TNN: variants seen among roughly 807,000 people sequenced by gnomAD.
TNN encodes tenascin N.
TNN carries 122 observed loss-of-function variants against 134.4 expected under a neutral mutation model. That is an observed-to-expected ratio of 0.91 (90% CI 0.78 to 1.06). The LOEUF is 1.06. Among genes scored for constraint, TNN ranks in the 50% least tolerant of loss-of-function variants. The pLI is 0.00. For synonymous variants in TNN, 710 were observed against 670.3 expected (o/e 1.06, Z -0.91); for missense variants, 1,739 against 1,699.4 (o/e 1.02, Z -0.41).
chr1:175,094,357 C>T, intron 7 of TNN, 104 bp downstream of exon 7: 2 of 1,239,512 alleles, frequency 1.6e-6, no homozygotes, highest in Non-Finnish European at 2.1e-6. Context: ...CTTTTGTTTG[C>T]AGGAGTGGGG....
In TNN at chr1:175,084,066, G is replaced by C. The variant is rs954071414; in HGVS notation, c.1234+131G>C. 7.6e-6 allele frequency: 7 copies of C among 918,972 alleles called. No homozygotes were observed. The African/African-American group carries it at 1.2e-4, about 15-fold the overall frequency. 56.9% of individuals were successfully genotyped at this position (918,972 alleles called of 1,614,324 possible). ...CCCAGGGGCCTTAGGAATCACACTT[G>C]AATCTGACCCTTGAATCTGCCAGAC... On this transcript the variant is annotated intron_variant, in intron 5 of 18. Transcript: ENST00000239462.
chr1:175,100,919 G>A (rs1212986623), intron 9 of TNN, among the ~76,000 whole-genome samples: 1 of 152,134 alleles, frequency 6.6e-6, no homozygotes, highest in Non-Finnish European at 1.5e-5. Flanking sequence ...TACATGTGAT[G>A]TTCTAATACA....
intron 9 of TNN, among the ~76,000 whole-genome samples, chr1:175,108,343 A>G (rs574911297): frequency 2.2e-4 from 33 of 152,326 alleles, no homozygotes; most frequent in African/African-American, 7.9e-4. Flanking sequence ...TCTCTGAGCT[A>G]GATATAAAGA....
At position 175,077,388 on chromosome 1, in the gene TNN, C is replaced by T; in HGVS notation, c.-31C>T. ...TTGCAATGTTTCTGAATACAGGCATCCTGGAGGGTCTGCTCCCTGTCTTTC... is the reference window on the plus strand; with the variant it reads ...TTGCAATGTTTCTGAATACAGGCATTCTGGAGGGTCTGCTCCCTGTCTTTC... On this transcript the variant is annotated 5_prime_UTR_variant, in exon 2 of 19. Transcript: ENST00000239462. 6.3e-7 allele frequency: 1 copy of T among 1,585,724 alleles called. No homozygotes were observed. The highest frequency in any genetic ancestry group is 8.6e-7 in the Non-Finnish European group (1 of 1,164,588).
intron 9 of TNN, among the ~76,000 whole-genome samples, chr1:175,116,541 C>G (rs945247417): frequency 6.6e-6 from 1 of 152,218 alleles, no homozygotes; most frequent in Non-Finnish European, 1.5e-5. Flanking sequence ...AAAAGTTTAT[C>G]TAACCCAAAC....
chr1:175,067,867 G>A lies in TNN; in HGVS notation c.-104G>A, dbSNP rs2149423477. 1 of 502,386 alleles carries A rather than the reference G, an allele frequency of 2.0e-6. No individual in the cohort carries two copies. Among genetic ancestry groups the A allele is most frequent in the Admixed American group, 2.0e-5 (1 of 49,090 alleles). 31.1% of individuals were successfully genotyped at this position (502,386 alleles called of 1,614,324 possible). A position where few individuals can be genotyped will look rare whatever the true frequency, so the allele number is the denominator to read the frequency against. ...ACCAGGGACGACCAGCAAGTACCAA[G>A]GTCTGCGGCAGGAGGAGACCGGCTC... On this transcript the variant is annotated 5_prime_UTR_variant, in exon 1 of 19. Coordinates refer to ENST00000239462, the MANE Select transcript of TNN (RefSeq NM_022093.2).
intron 9 of TNN, among the ~76,000 whole-genome samples, chr1:175,100,084 T>C (rs538229463): frequency 6.6e-6 from 1 of 152,338 alleles, no homozygotes; most frequent in Admixed American, 6.5e-5. Context: ...CTGTCTTTGC[T>C]CTGTGTCAGA....
Position 175,123,540 on chromosome 1 carries a change from G to C in TNN, c.2791G>C (p.Val931Leu). Residue 931 changes from valine to leucine, a missense_variant, in exon 12 of 19, where the codon GTG becomes CTG. Transcript: ENST00000239462. ...TGACGGAGAGACCAGGGAGGTTCCGGTGGGGAAGGAGCACAGCAGCACTGT... is the reference window on the plus strand; with the variant it reads ...TGACGGAGAGACCAGGGAGGTTCCGCTGGGGAAGGAGCACAGCAGCACTGT... ...SADGETREVPVGKEHSSTVLT... is the reference protein window; with the variant it reads ...SADGETREVPLGKEHSSTVLT... 2 of 1,614,068 alleles carry C rather than the reference G, an allele frequency of 1.2e-6. No homozygotes were observed. Among genetic ancestry groups the C allele is most frequent in the African/African-American group, 1.3e-5 (1 of 75,044 alleles).
At chr1:175,115,596 A>G (rs1675147095) in intron 9 of TNN, among the ~76,000 whole-genome samples, 1 of 151,960 alleles carries the variant, frequency 6.6e-6, no homozygotes, top group African/African-American at 2.4e-5. Flanking sequence ...GCAGCAGTTT[A>G]CCCTTAGGGA....
chr1:175,082,742 G>C (rs1366125739), intron 4 of TNN, among the ~76,000 whole-genome samples: 1 of 152,300 alleles, frequency 6.6e-6, no homozygotes, highest in South Asian at 2.1e-4. Context: ...GTAGGCCTGG[G>C]TGGAGACACC....
intron 2 of TNN, among the ~76,000 whole-genome samples, chr1:175,078,684 G>C (rs937856442): frequency 1.3e-5 from 2 of 152,212 alleles, no homozygotes. Context: ...CTGAAAAGCA[G>C]AAGCTGGGCC....
chr1:175,145,552 C>CAAAAAAAACA lies in TNN; in HGVS notation c.3759+1010_3759+1011insCAAAAAAAAA, dbSNP rs1676042732. 6.9e-5 allele frequency among the ~76,000 whole-genome samples: 2 copies of CAAAAAAAACA among 28,910 alleles called. 1 individual carries two copies. 19.0% of individuals were successfully genotyped at this position (28,910 alleles called of 152,430 possible). A position where few individuals can be genotyped will look rare whatever the true frequency, so the allele number is the denominator to read the frequency against. ...TGGGTGGCAGAGCAAGACCCTGTCT[C>CAAAAAAAACA]AAAAAAAAAAAAAAAAAAAAAAAGC... On this transcript the variant is annotated intron_variant, in intron 18 of 18. Transcript: ENST00000239462.
At chr1:175,098,213 T>G in intron 8 of TNN, 119 bp from the exon 9 acceptor site, 595 of 1,417,406 alleles carry the variant, frequency 4.2e-4, no homozygotes, top group Non-Finnish European at 5.3e-4. Context: ...AGACTCAGGA[T>G]GAGAATGCCA....
At chr1:175,073,907 C>A (rs1197189011) in intron 1 of TNN, among the ~76,000 whole-genome samples, 1 of 152,168 alleles carries the variant, frequency 6.6e-6, no homozygotes, top group Admixed American at 6.5e-5. Flanking sequence ...TCCTGCTGAA[C>A]GGTGGACCTG....
At chr1:175,093,850 T>C in intron 6 of TNN, 140 bp from the exon 7 acceptor site, 2 of 788,796 alleles carry the variant, frequency 2.5e-6, no homozygotes. Context: ...TGTCCACTTG[T>C]CACTGATGAT....
At position 175,119,796 on chromosome 1, in the gene TNN, G is replaced by C. The variant is rs557700758; in HGVS notation, c.2650+972G>C. 2.1e-3 allele frequency among the ~76,000 whole-genome samples: 313 copies of C among 151,902 alleles called. 2 individuals carry two copies. Among genetic ancestry groups the C allele is most frequent in the African/African-American group, 7.1e-3 (294 of 41,390 alleles). ...ATTACAAGCGCCCGCCACCATGCCCGGCTAATTTTGTTTTTGTATTTTTAG... is the reference window on the plus strand; with the variant it reads ...ATTACAAGCGCCCGCCACCATGCCCCGCTAATTTTGTTTTTGTATTTTTAG... On this transcript the variant is annotated intron_variant, in intron 11 of 18. Transcript: ENST00000239462.
At chr1:175,108,652 G>A (rs948007447) in intron 9 of TNN, among the ~76,000 whole-genome samples, 52 of 152,344 alleles carry the variant, frequency 3.4e-4, no homozygotes, top group African/African-American at 1.3e-3. Flanking sequence ...GCGCCGGTGG[G>A]CTGGCACTGC....
rs1675429126 is a variant in TNN, at chr1:175,123,455, T to C, written c.2706T>C (p.Thr902=). 6.2e-7 allele frequency: 1 copy of C among 1,614,226 alleles called. No homozygotes were observed. Among genetic ancestry groups the C allele is most frequent in the African/African-American group, 1.3e-5 (1 of 75,054 alleles). The change falls in exon 12 of 19, where the codon ACT becomes ACC. Residue 902 remains threonine, a synonymous_variant. Transcript: ENST00000239462. ...ACTGGGTGACGGAGAATATGGCCAC[T>C]GTCTCCTGGGACCCGGTTCAGGCCA... ...VTDWVTENMA[T]VSWDPVQATI...
chr1:175,128,873 T>G (rs1675603220), intron 15 of TNN, 127 bp downstream of exon 15: 1 of 1,071,598 alleles, frequency 9.3e-7, no homozygotes, highest in Non-Finnish European at 1.2e-6. Flanking sequence ...GAGAGGAGTT[T>G]TGGTGGCTTG....
Sources: gnomAD v4.1 joint callset for allele counts (sites outside exome capture counted in the v4.1 genomes callset) on GRCh38, gnomAD v4.1.1 for gene constraint, MANE v1.5 for transcripts, NCBI Gene and HGNC (gene_info 2026-07-23, HGNC 2026-07-21) for gene names.